The following ZFYVE9 variants were observed in gnomAD, a reference collection of about 807,000 sequenced individuals.
The protein encoded by ZFYVE9 is zinc finger FYVE domain-containing protein 9.
In ZFYVE9, 43 loss-of-function variants were observed where a neutral mutation model predicts 126.7. That is an observed-to-expected ratio of 0.34 (90% CI 0.27 to 0.44). ZFYVE9 has a LOEUF of 0.44. Among genes scored for constraint, ZFYVE9 ranks in the 20% least tolerant of loss-of-function variants. ZFYVE9 has a pLI of 1.00. For missense variants in ZFYVE9, 1,476 were observed against 1,697.0 expected (o/e 0.87, Z 2.29); for synonymous variants, 521 against 597.4 (o/e 0.87, Z 1.87).
chr1:52,312,077 C>T (rs1330014180), intron 13 of ZFYVE9, among the ~76,000 whole-genome samples: 2 of 152,140 alleles, frequency 1.3e-5, no homozygotes, highest in Admixed American at 1.3e-4. Context: ...AGACATGAGC[C>T]ACCACACCTG....
At chr1:52,313,491 C>T (rs1363062509) in intron 13 of ZFYVE9, among the ~76,000 whole-genome samples, 1 of 152,090 alleles carries the variant, frequency 6.6e-6, no homozygotes, top group Non-Finnish European at 1.5e-5. Context: ...TTTAAAAATT[C>T]AGGAGATCTG....
At chr1:52,206,849 C>G (rs1019450384) in intron 1 of ZFYVE9, among the ~76,000 whole-genome samples, 5 of 152,068 alleles carry the variant, frequency 3.3e-5, no homozygotes, top group Non-Finnish European at 5.9e-5. Context: ...TGTGCGCGGC[C>G]CGGAGATAGA....
At chr1:52,343,888 A>G (rs1051235998) in intron 17 of ZFYVE9, among the ~76,000 whole-genome samples, 1 of 152,162 alleles carries the variant, frequency 6.6e-6, no homozygotes, top group African/African-American at 2.4e-5. Context: ...CCTGGCCAAC[A>G]TGGTGAAACC....
At chr1:52,245,178 T>A (rs952521367) in intron 4 of ZFYVE9, among the ~76,000 whole-genome samples, 27 of 150,764 alleles carry the variant, frequency 1.8e-4, no homozygotes, top group African/African-American at 5.9e-4. Flanking sequence ...AAAAAAAAAA[T>A]TATGACATAT....
intron 17 of ZFYVE9, 64 bp downstream of exon 17, chr1:52,340,295 C>A: frequency 7.9e-7 from 1 of 1,257,886 alleles, no homozygotes; most frequent in South Asian, 1.2e-5. Flanking sequence ...AGGCCAAGAG[C>A]CACATTCTGG....
Position 52,332,833 on chromosome 1 carries a change from G to A in ZFYVE9, c.3504G>A (p.Lys1168=). 1 of 1,614,118 alleles carries A rather than the reference G, an allele frequency of 6.2e-7. No homozygotes were observed. The highest frequency in any genetic ancestry group is 8.5e-7 in the Non-Finnish European group (1 of 1,180,018). The part of the protein sequence containing the change: ...VLAGGACFNE[K]ADSHLVCVQN... ...CAGGAGGTGCCTGCTTCAATGAAAA[G>A]GCAGACTCTCATCTTGTGTGTGTAC... The change falls in exon 14 of 19, where the codon AAG becomes AAA. Residue 1168 remains lysine, a synonymous_variant. Transcript: ENST00000287727.
At chr1:52,169,263 C>T (rs558395476) in intron 1 of ZFYVE9, among the ~76,000 whole-genome samples, 4 of 152,082 alleles carry the variant, frequency 2.6e-5, no homozygotes, top group East Asian at 1.9e-4. Flanking sequence ...ACTAGCCAGA[C>T]GTGGTGGTAC....
At chr1:52,270,991 C>A (rs778870787) in intron 7 of ZFYVE9, among the ~76,000 whole-genome samples, 6 of 152,060 alleles carry the variant, frequency 3.9e-5, no homozygotes, top group Non-Finnish European at 7.4e-5. Context: ...GAGTTTGAGA[C>A]CAGCTTGGGC....
intron 15 of ZFYVE9, among the ~76,000 whole-genome samples, chr1:52,337,338 A>G (rs1194536835): frequency 6.6e-6 from 1 of 152,226 alleles, no homozygotes; most frequent in East Asian, 1.9e-4. Context: ...GCCCACTACT[A>G]TAATTTATTC....
intron 13 of ZFYVE9, among the ~76,000 whole-genome samples, chr1:52,327,927 C>G (rs1021283446): frequency 6.6e-6 from 1 of 150,778 alleles, no homozygotes; most frequent in African/African-American, 2.4e-5. Context: ...TGAGCCAGGA[C>G]CACACCACTG....
intron 12 of ZFYVE9, among the ~76,000 whole-genome samples, chr1:52,298,807 T>G (rs996976511): frequency 2.2e-4 from 20 of 92,586 alleles, no homozygotes; most frequent in Admixed American, 2.8e-4. Flanking sequence ...TTTGTCAATG[T>G]TTTTTTTTTT....
At chr1:52,176,711 C>G (rs959182663) in intron 1 of ZFYVE9, among the ~76,000 whole-genome samples, 5 of 152,178 alleles carry the variant, frequency 3.3e-5, no homozygotes, top group Non-Finnish European at 7.3e-5. Flanking sequence ...CGCCCCTCCC[C>G]CAGCCTCGCT....
At chr1:52,280,751 T>C (rs1645795208) in intron 9 of ZFYVE9, among the ~76,000 whole-genome samples, 1 of 152,202 alleles carries the variant, frequency 6.6e-6, no homozygotes, top group Non-Finnish European at 1.5e-5. Context: ...AGTAAAGTCA[T>C]GTTGCTGATT....
At chr1:52,222,368 C>T (rs754125608) in intron 2 of ZFYVE9, among the ~76,000 whole-genome samples, 3 of 152,162 alleles carry the variant, frequency 2.0e-5, no homozygotes, top group Non-Finnish European at 4.4e-5. Context: ...AAACATGTCC[C>T]GACTATCTTC....
intron 13 of ZFYVE9, among the ~76,000 whole-genome samples, chr1:52,325,254 G>A (rs1228180044): frequency 1.3e-5 from 2 of 152,130 alleles, no homozygotes; most frequent in African/African-American, 4.8e-5. Flanking sequence ...TGTGAACGTG[G>A]GAGGCAGAGC....
chr1:52,182,765 TA>T (rs34582292), intron 1 of ZFYVE9, among the ~76,000 whole-genome samples: 47 of 150,450 alleles, frequency 3.1e-4, no homozygotes, highest in South Asian at 1.5e-3. Flanking sequence ...AAATAAAAAA[TA>T]AAAAAAAATA....
At chr1:52,341,254 CTAAT>C (rs1438120364) in intron 17 of ZFYVE9, among the ~76,000 whole-genome samples, 18 of 152,184 alleles carry the variant, frequency 1.2e-4, no homozygotes, top group African/African-American at 4.1e-4. Flanking sequence ...AGCTCAGAGA[CTAAT>C]TAACTTGCTC....
At chr1:52,345,014 C>T in intron 18 of ZFYVE9, 70 bp downstream of exon 18, 1 of 1,540,046 alleles carries the variant, frequency 6.5e-7, no homozygotes, top group Non-Finnish European at 8.9e-7. Context: ...GTGAGTTTTT[C>T]TGCATCACCC....
chr1:52,185,777 C>G (rs1644759294), intron 1 of ZFYVE9, among the ~76,000 whole-genome samples: 1 of 150,430 alleles, frequency 6.6e-6, no homozygotes, highest in Admixed American at 6.6e-5. Context: ...TAAAAATTAG[C>G]TGGGCATGGT....
Sources: allele counts gnomAD v4.1 joint callset (sites outside exome capture counted in the v4.1 genomes callset), GRCh38; gene constraint gnomAD v4.1.1; transcripts MANE v1.5; gene names NCBI Gene and HGNC (gene_info 2026-07-23, HGNC 2026-07-21).